The following BRD4 variants were observed in gnomAD, a reference collection of about 807,000 sequenced individuals.
BRD4 encodes the protein bromodomain containing 4, also known as bromodomain-containing protein 4.
BRD4 carries 16 observed loss-of-function variants against 142.1 expected under a neutral mutation model. That is an observed-to-expected ratio of 0.11 (90% confidence interval 0.08 to 0.17). The LOEUF (loss-of-function observed/expected upper bound fraction) is 0.17. Ranked by LOEUF, BRD4 falls within the 10% of genes least tolerant of loss-of-function variation. The pLI is 1.00. For missense variants in BRD4, 1,424 were observed against 1,810.9 expected, an observed-to-expected ratio of 0.79 and a Z score of 3.88; for synonymous variants, 833 against 707.5, an observed-to-expected ratio of 1.18 and a Z score of -2.82.
intron 7 of BRD4, among the ~76,000 whole-genome samples, chr19:15,261,906 A>G (rs1306532102): frequency 6.6e-6 from 1 of 151,544 alleles, no homozygotes; most frequent in Non-Finnish European, 1.5e-5. Context: ...AAATAAATAA[A>G]AAAAAGTAGA....
intron 1 of BRD4, among the ~76,000 whole-genome samples, chr19:15,287,911 G>C (rs1828179556): frequency 6.6e-6 from 1 of 152,024 alleles, no homozygotes; most frequent in Admixed American, 6.5e-5. Context: ...TGGGACTACA[G>C]ACACGTGCCA....
rs777912948 is a variant in BRD4 at position 15,243,086 on chromosome 19, G to A, written c.2983C>T (p.Arg995Trp). 11 of 1,506,644 alleles carry A rather than the reference G, an allele frequency of 7.3e-6. No homozygotes were observed. Among genetic ancestry groups the A allele is most frequent in the South Asian group, 3.9e-5 (3 of 76,780 alleles). The allele number at this position is 1,506,644 out of a possible 1,614,324, so 93.3% of individuals were successfully genotyped here. A position where few individuals can be genotyped will look rare whatever the true frequency, so the allele number is the denominator to read the frequency against. The change falls in exon 14 of 20, where the codon CGG becomes TGG. Residue 995 changes from arginine (R) to tryptophan (W), a missense_variant. Physicochemically the swap from Arg to Trp is moderately radical, Grantham distance 101. Around this residue, in one of 16 missense-constraint regions of BRD4, gnomAD observed 598 missense variants for 647.8 expected, o/e 0.92. Transcript: ENST00000679869. ...TGCATGGGCTGCAAGTGCACGGGCC[G>A]TGGAGGGGGCTGATGCTGCTGCTGG... ...PPQQQHQPPP[R>W]PVHLQPMQFS...
chr19:15,320,286 G>A (rs1214636553), intron 1 of BRD4, among the ~76,000 whole-genome samples: 1 of 152,094 alleles, frequency 6.6e-6, no homozygotes, highest in Admixed American at 6.5e-5. Context: ...TTTTGATTAT[G>A]GAAATCTGAG....
chr19:15,316,484 AGGAG>A (rs1165172260), intron 1 of BRD4, among the ~76,000 whole-genome samples: 6 of 152,138 alleles, frequency 3.9e-5, no homozygotes, highest in Admixed American at 3.9e-4. Context: ...CCAGCAACTC[AGGAG>A]GCTGAGGCAG....
intron 4 of BRD4, among the ~76,000 whole-genome samples, chr19:15,266,631 G>GT (rs2047537000): frequency 6.6e-6 from 1 of 152,314 alleles, no homozygotes; most frequent in Non-Finnish European, 1.5e-5. Context: ...AGGGTGACAC[G>GT]TGAGACTAGT....
At chr19:15,295,958 C>T (rs138046735) in intron 1 of BRD4, among the ~76,000 whole-genome samples, 4 of 149,826 alleles carry the variant, frequency 2.7e-5, no homozygotes, top group African/African-American at 7.4e-5. Context: ...GCAACAAAGG[C>T]GAAACTCAGT....
rs779159560 is a variant in BRD4, at chr19:15,244,734, C to A, written c.2187G>T (p.Gly729=). Residue 729 remains glycine, a synonymous_variant, in exon 12 of 20, where the codon GGG becomes GGT. Coordinates refer to ENST00000679869, the MANE Select transcript of BRD4 (RefSeq NM_001379291.1). ...CCTTCTTCTGCTCCCTCCCGGGGTG[C>A]CCCTTCTTTTTTGACTTCGGAGCCA... ...TEMAPKSKKK[G]HPGREQKKHH... 6.2e-7 allele frequency: 1 copy of A among 1,614,118 alleles called. No individual in the cohort carries two copies. Among genetic ancestry groups the A allele is most frequent in the Admixed American group, 1.7e-5 (1 of 60,004 alleles).
chr19:15,285,680 A>G (rs1174678648), intron 1 of BRD4, among the ~76,000 whole-genome samples: 1 of 152,250 alleles, frequency 6.6e-6, no homozygotes, highest in Non-Finnish European at 1.5e-5. Flanking sequence ...CACATCCCTG[A>G]GTAGAAAAGA....
chr19:15,265,605 T>A lies in BRD4; in HGVS notation c.598A>T (p.Thr200Ser), dbSNP rs542286965. 2.8e-5 allele frequency: 45 copies of A among 1,613,888 alleles called. No homozygotes were observed. The South Asian group carries it at 4.3e-4, about 15-fold the overall frequency. ...GTCTGCGGAGGAGTCGATGCTTGAG[T>A]TGTGTTTGGTACCGTGGAAACGCCA... The part of the protein sequence containing the change: ...KPGVSTVPNT[T>S]QASTPPQTQT... The change falls in exon 5 of 20, where the codon ACT becomes TCT. Residue 200 changes from threonine to serine, a missense_variant. This residue lies in a region of BRD4 where 140 missense variants were observed against 131.7 expected (regional missense o/e 1.06). Coordinates refer to ENST00000679869, the MANE Select transcript of BRD4 (RefSeq NM_001379291.1).
chr19:15,244,823 G>A (rs2047271638), intron 11 of BRD4, 61 bp from the exon 12 acceptor site: 3 of 1,611,048 alleles, frequency 1.9e-6, no homozygotes, highest in Admixed American at 1.7e-5. Context: ...GCTGGCCTTG[G>A]ATGAAGAAAG....
At chr19:15,281,441 G>A (rs376258506) in intron 1 of BRD4, among the ~76,000 whole-genome samples, 42 of 152,308 alleles carry the variant, frequency 2.8e-4, no homozygotes, top group South Asian at 1.7e-3. Context: ...GAAACTGGGC[G>A]GGACACAATC....
chr19:15,243,619 C>T, intron 13 of BRD4, 132 bp from the exon 14 acceptor site: 8 of 1,383,874 alleles, frequency 5.8e-6, no homozygotes, highest in Non-Finnish European at 6.6e-6. Context: ...CACTCCCTCC[C>T]CACCTACCGT....
chr19:15,309,052 T>C (rs1297406676), intron 1 of BRD4, among the ~76,000 whole-genome samples: 5 of 136,594 alleles, frequency 3.7e-5, no homozygotes, highest in Non-Finnish European at 8.0e-5. Context: ...ATAAAAACTT[T>C]AGGGCCGGGT....
intron 7 of BRD4, among the ~76,000 whole-genome samples, chr19:15,260,152 C>T (rs574181015): frequency 2.0e-5 from 3 of 152,368 alleles, no homozygotes; most frequent in African/African-American, 7.2e-5. Flanking sequence ...GCACACCTCA[C>T]TGGTTTCAGA....
intron 1 of BRD4, among the ~76,000 whole-genome samples, chr19:15,327,872 G>C (rs989838719): frequency 7.0e-6 from 1 of 143,558 alleles, no homozygotes; most frequent in Admixed American, 7.0e-5. Flanking sequence ...CAAAAGTGGC[G>C]GGGGGTGGGC....
At chr19:15,260,798 C>CAAAAAAAAAAAA (rs34986127) in intron 7 of BRD4, among the ~76,000 whole-genome samples, 3 of 77,820 alleles carry the variant, frequency 3.9e-5, no homozygotes. Context: ...GAGAAAAATG[C>CAAAAAAAAAAAA]AAAAAAAAAA....
intron 6 of BRD4, 134 bp from the exon 7 acceptor site, chr19:15,263,682 G>A: frequency 8.8e-7 from 1 of 1,141,188 alleles, no homozygotes; most frequent in South Asian, 1.5e-5. Flanking sequence ...GACTCTAGTG[G>A]GGGGACAGGC....
At chr19:15,328,148 ATAT>A (rs1248604479) in intron 1 of BRD4, among the ~76,000 whole-genome samples, 27 of 152,304 alleles carry the variant, frequency 1.8e-4, no homozygotes, top group Admixed American at 5.9e-4. Context: ...AAGACTACGC[ATAT>A]TAAAGTCATT....
intron 11 of BRD4, among the ~76,000 whole-genome samples, chr19:15,250,934 G>A (rs540850407): frequency 1.3e-5 from 2 of 152,292 alleles, no homozygotes; most frequent in East Asian, 3.9e-4. Context: ...GGGGTGGTGG[G>A]AGAGTGGCAT....
Sources: allele counts gnomAD v4.1 joint callset (sites outside exome capture counted in the v4.1 genomes callset), GRCh38; gene constraint gnomAD v4.1.1; regional missense constraint gnomAD v4.1.1; transcripts MANE v1.5; gene names NCBI Gene and HGNC (gene_info 2026-07-23, HGNC 2026-07-21).